NTM: variants seen among roughly 807,000 people sequenced by gnomAD.
NTM encodes the protein neurotrimin, also known as IgLON family member 2.
In NTM, 13 loss-of-function variants were observed where a neutral mutation model predicts 42.1. That is an observed-to-expected ratio of 0.31 (90% confidence interval 0.20 to 0.49). The LOEUF (loss-of-function observed/expected upper bound fraction) is 0.49. NTM is among the 20% of genes least tolerant of loss of function. NTM has a pLI of 0.99. For synonymous variants in NTM, 187 were observed against 179.2 expected, an observed-to-expected ratio of 1.04 and a Z score of -0.35; for missense variants, 373 against 452.8, an observed-to-expected ratio of 0.82 and a Z score of 1.60.
intron 4 of NTM, among the ~76,000 whole-genome samples, chr11:132,240,208 A>G (rs1200319316): frequency 1.3e-5 from 2 of 152,384 alleles, no homozygotes; most frequent in Admixed American, 1.3e-4. Context: ...TTCATAATTT[A>G]TCATGAGAGA....
intron 1 of NTM, among the ~76,000 whole-genome samples, chr11:131,901,880 T>A (rs963472123): frequency 6.6e-6 from 1 of 152,228 alleles, no homozygotes; most frequent in African/African-American, 2.4e-5. Flanking sequence ...TGCTCCTTCT[T>A]TCTCACGACC....
At chr11:131,754,484 G>A (rs1378817219) in intron 1 of NTM, among the ~76,000 whole-genome samples, 1 of 152,026 alleles carries the variant, frequency 6.6e-6, no homozygotes, top group Non-Finnish European at 1.5e-5. Context: ...AATTAGCTGG[G>A]CATAGTGGCG....
In NTM at chr11:131,670,075, A is replaced by G. The variant is rs113484558; in HGVS notation, c.83-241489A>G. Among the ~76,000 whole-genome samples, 569 of 152,266 alleles carry G rather than the reference A, an allele frequency of 3.7e-3. 5 individuals are homozygous for G. Among genetic ancestry groups the G allele is most frequent in the African/African-American group, 0.013 (549 of 41,558 alleles). On this transcript the variant is annotated intron_variant, in intron 1 of 8. Coordinates refer to ENST00000683400, the MANE Select transcript of NTM (RefSeq NM_001352005.2). ...CTTGGTAATGAGAGAAGAAAAAACA[A>G]TTAATTGGAAATGAATTTTAATTGT...
chr11:131,668,982 G>C (rs1042153177), intron 1 of NTM, among the ~76,000 whole-genome samples: 5 of 152,134 alleles, frequency 3.3e-5, no homozygotes, highest in Non-Finnish European at 7.3e-5. Context: ...GGCCGGTAGG[G>C]GGAGCACAGC....
At chr11:132,092,038 A>G (rs886980934) in intron 2 of NTM, among the ~76,000 whole-genome samples, 7 of 152,318 alleles carry the variant, frequency 4.6e-5, no homozygotes, top group South Asian at 2.1e-4. Context: ...AAGAAAAGCT[A>G]TTCCACCCAA....
At chr11:131,666,376 C>T (rs561698873) in intron 1 of NTM, among the ~76,000 whole-genome samples, 16 of 152,290 alleles carry the variant, frequency 1.1e-4, no homozygotes, top group South Asian at 8.3e-4. Context: ...CAAACAGCTA[C>T]GGCCAGACTC....
chr11:131,685,927 GTCC>G (rs1275191534), intron 1 of NTM, among the ~76,000 whole-genome samples: 5 of 152,194 alleles, frequency 3.3e-5, no homozygotes, highest in Non-Finnish European at 7.3e-5. Flanking sequence ...CCACAGCCTT[GTCC>G]TACATAAGAA....
rs557208549 is a variant in NTM, at chr11:131,524,380, C to T, written c.82+153492C>T. Among the ~76,000 whole-genome samples, 78 of 152,294 alleles carry T rather than the reference C, an allele frequency of 5.1e-4. 1 individual carries two copies. The highest frequency in any genetic ancestry group is 1.8e-3 in the African/African-American group (73 of 41,556). ...TGGGCCTGGTGCTGACATGTGATCCCTTCTGCTGCACTCTGTTAGTATAGC... is the reference window on the plus strand; with the variant it reads ...TGGGCCTGGTGCTGACATGTGATCCTTTCTGCTGCACTCTGTTAGTATAGC... On this transcript the variant is annotated intron_variant, in intron 1 of 8. Coordinates refer to ENST00000683400, the MANE Select transcript of NTM (RefSeq NM_001352005.2).
chr11:132,320,857 G>A (rs928153381), intron 7 of NTM, among the ~76,000 whole-genome samples: 1 of 151,562 alleles, frequency 6.6e-6, no homozygotes, highest in East Asian at 1.9e-4. Flanking sequence ...TCCTCAAGTG[G>A]GTCCCTGACC....
At chr11:132,215,928 C>T (rs2083759834) in intron 4 of NTM, among the ~76,000 whole-genome samples, 1 of 152,188 alleles carries the variant, frequency 6.6e-6, no homozygotes, top group Non-Finnish European at 1.5e-5. Context: ...AAGCCGGAGT[C>T]CTTCTAAGTG....
chr11:131,906,782 C>A lies in NTM; in HGVS notation c.83-4782C>A, dbSNP rs538892271. Reference sequence around the variant, plus strand: ...ACCTTTGCCATTCCTTCATATCCTCCTTCTCAGTTCTCTCTATTTGTGACC... The same window carrying A: ...ACCTTTGCCATTCCTTCATATCCTCATTCTCAGTTCTCTCTATTTGTGACC... On this transcript the variant is annotated intron_variant, in intron 1 of 8. Coordinates refer to ENST00000683400, the MANE Select transcript of NTM (RefSeq NM_001352005.2). Among the ~76,000 whole-genome samples the A allele has an allele frequency of 3.9e-5, 6 of 152,146 alleles. No individual in the cohort carries two copies. The South Asian group carries it at 1.2e-3, about 32-fold the overall frequency.
intron 1 of NTM, among the ~76,000 whole-genome samples, chr11:131,555,826 C>T (rs1040417018): frequency 1.3e-5 from 2 of 152,106 alleles, no homozygotes; most frequent in Non-Finnish European, 2.9e-5. Context: ...TTCCCCAGGG[C>T]AGCTACTCCC....
At chr11:131,662,819 G>A (rs901827203) in intron 1 of NTM, among the ~76,000 whole-genome samples, 4 of 152,098 alleles carry the variant, frequency 2.6e-5, no homozygotes, top group Non-Finnish European at 5.9e-5. Context: ...TCAGCTTGGG[G>A]CGGGGAACGC....
intron 1 of NTM, among the ~76,000 whole-genome samples, chr11:131,391,574 T>G (rs2135591825): frequency 2.3e-5 from 1 of 42,840 alleles, no homozygotes; most frequent in Middle Eastern, 0.012. Flanking sequence ...TGTTGACAAG[T>G]CTTTTTTTTT....
At chr11:132,111,266 T>C (rs1283182487) in intron 2 of NTM, among the ~76,000 whole-genome samples, 1 of 151,152 alleles carries the variant, frequency 6.6e-6, no homozygotes, top group Non-Finnish European at 1.5e-5. Context: ...TGTATTTATA[T>C]ATGTGCACAT....
chr11:131,576,136 C>A (rs2057909641), intron 1 of NTM, among the ~76,000 whole-genome samples: 1 of 152,110 alleles, frequency 6.6e-6, no homozygotes. Context: ...CTGCTCCTAC[C>A]AATTAGAGAA....
intron 1 of NTM, among the ~76,000 whole-genome samples, chr11:131,834,180 A>G (rs554272544): frequency 6.6e-6 from 1 of 152,262 alleles, no homozygotes; most frequent in African/African-American, 2.4e-5. Flanking sequence ...TACTCAGAAT[A>G]GGGAGGCTCA....
intron 1 of NTM, among the ~76,000 whole-genome samples, chr11:131,628,507 G>A (rs538475217): frequency 6.6e-6 from 1 of 152,246 alleles, no homozygotes; most frequent in East Asian, 1.9e-4. Flanking sequence ...GTGTCTGTGT[G>A]CATGTGTGTG....
At chr11:131,621,333 T>A (rs774240296) in intron 1 of NTM, among the ~76,000 whole-genome samples, 4 of 152,112 alleles carry the variant, frequency 2.6e-5, no homozygotes, top group Non-Finnish European at 4.4e-5. Context: ...AAAGCATCAC[T>A]TTTTTTGCCA....
Sources: allele counts gnomAD v4.1 joint callset (sites outside exome capture counted in the v4.1 genomes callset), GRCh38; gene constraint gnomAD v4.1.1; transcripts MANE v1.5; gene names NCBI Gene and HGNC (gene_info 2026-07-23, HGNC 2026-07-21).